The following SV2B variants were observed in gnomAD, a reference collection of about 807,000 sequenced individuals.
The protein encoded by SV2B is solute carrier family 22 member B2.
SV2B carries 41 observed loss-of-function variants against 73.9 expected under a neutral mutation model. The ratio of observed to expected loss-of-function variants is 0.56; its 90% CI spans 0.43 to 0.72. The LOEUF (loss-of-function observed/expected upper bound fraction) is 0.72, where lower values mean the gene tolerates loss of function less well. Ranked by LOEUF, SV2B falls within the 30% of genes least tolerant of loss-of-function variation. The pLI is 0.00. For synonymous variants in SV2B, 314 were observed against 314.2 expected, an observed-to-expected ratio of 1.00 and a Z score of 0.01; for missense variants, 764 against 857.8, an observed-to-expected ratio of 0.89 and a Z score of 1.37.
rs1339743121 is a variant in SV2B, at chr15:91,242,901, G to A, written c.452-8918G>A. 6.6e-6 allele frequency among the ~76,000 whole-genome samples: 1 copy of A among 152,152 alleles called. No individual in the cohort carries two copies. The highest frequency in any genetic ancestry group is 1.5e-5 in the Non-Finnish European group (1 of 68,020). ...TTTTATTTAGCAATCTAGATTTCTGGTTCTTTTTGAAACTGTAGGAATAGG... is the reference window on the plus strand; with the variant it reads ...TTTTATTTAGCAATCTAGATTTCTGATTCTTTTTGAAACTGTAGGAATAGG... On this transcript the variant is annotated intron_variant, in intron 2 of 12. Coordinates refer to ENST00000394232, the MANE Select transcript of SV2B (RefSeq NM_001323032.3). This position sits in a 1 kb window ranked among gnomAD's most constrained non-coding sequence, Gnocchi z 4.9.
chr15:91,235,363 G>A (rs1457122109), intron 2 of SV2B, among the ~76,000 whole-genome samples: 5 of 151,960 alleles, frequency 3.3e-5, no homozygotes, highest in Admixed American at 1.3e-4. Flanking sequence ...TAATACAGTC[G>A]GTGAATTCAT....
In SV2B at chr15:91,253,986, C is replaced by CAA. The variant is rs1184204881; in HGVS notation, c.784+1467_784+1468dup. Among the ~76,000 whole-genome samples the CAA allele has an allele frequency of 5.9e-5, 9 of 152,146 alleles. No individual in the cohort carries two copies. The highest frequency in any genetic ancestry group is 1.7e-4 in the African/African-American group (7 of 41,432). ...ATAAAGAGTTGAAGAGTTTTCCAGC[C>CAA]AATTCTGTCATTCTAGTTCTCCATA... is the stretch of plus-strand genomic sequence containing the variant. On this transcript the variant is annotated intron_variant, in intron 4 of 12. Transcript: ENST00000394232. The surrounding 1 kb of genome is among the most constrained non-coding windows in gnomAD (Gnocchi z 5.0).
In SV2B at chr15:91,169,140, T is replaced by G. The variant is rs533859620; in HGVS notation, c.-391-56733T>G. 2.0e-5 allele frequency among the ~76,000 whole-genome samples: 3 copies of G among 152,354 alleles called. No homozygotes were observed. The South Asian group carries it at 6.2e-4, about 32-fold the overall frequency. On this transcript the variant is annotated intron_variant, in intron 1 of 12. Coordinates refer to ENST00000394232, the MANE Select transcript of SV2B (RefSeq NM_001323032.3). ...GTAGTAATAATCACTGTCATCTCAT[T>G]CTGTTTCTCCTCCTCCTCCTCCTCA...
chr15:91,297,714 C>T lies in SV2B; in HGVS notation c.*5162C>T, dbSNP rs1228394244. On this transcript the variant is annotated 3_prime_UTR_variant, in exon 13 of 13. Coordinates refer to ENST00000394232, the MANE Select transcript of SV2B (RefSeq NM_001323032.3). This position sits in a 1 kb window ranked among gnomAD's most constrained non-coding sequence, Gnocchi z 5.1. ...ACCAGAAGCTCACAAAAACTAGCAG[C>T]CTGTGAAAAATGATCACCATTTTCC... is the stretch of plus-strand genomic sequence containing the variant. 1 of 152,182 alleles carries T rather than the reference C, an allele frequency of 6.6e-6. No individual in the cohort carries two copies. 9.4% of individuals were successfully genotyped at this position (152,182 alleles called of 1,614,324 possible). A position where few individuals can be genotyped will look rare whatever the true frequency, so the allele number is the denominator to read the frequency against.
At position 91,258,963 on chromosome 15, in the gene SV2B, G is replaced by A. The variant is rs182715278; in HGVS notation, c.918+409G>A. Among the ~76,000 whole-genome samples the A allele has an allele frequency of 4.0e-5, 6 of 151,638 alleles. No individual in the cohort carries two copies. Among genetic ancestry groups the A allele is most frequent in the Admixed American group, 2.0e-4 (3 of 15,236 alleles). On this transcript the variant is annotated intron_variant, in intron 5 of 12. Transcript: ENST00000394232. The surrounding 1 kb of genome is among the most constrained non-coding windows in gnomAD (Gnocchi z 4.7). The stretch of plus-strand genomic sequence containing the variant: ...AAAAATTAGTTGAGCGATTTGGTGC[G>A]TGCATGCCTGTGGTCCCATCTACTT...
rs113830091 is a variant in SV2B at position 91,268,628 on chromosome 15, C to T, written c.1373+23C>T. The T allele has an allele frequency of 5.7e-4, 913 of 1,601,348 alleles. 10 individuals are homozygous for T. In the African/African-American group the frequency reaches 9.5e-3, roughly 17 times the overall value. On this transcript the variant is annotated intron_variant, in intron 9 of 12. Transcript: ENST00000394232. This position sits in a 1 kb window ranked among gnomAD's most constrained non-coding sequence, Gnocchi z 4.4. ...TAAGTAAGTGAGTGATCACGGGCTT[C>T]CCTCACATCAGGGTGACAGTCGTGG... is the stretch of plus-strand genomic sequence containing the variant.
At chr15:91,257,265 C>T (rs2047731000) in intron 4 of SV2B, among the ~76,000 whole-genome samples, 1 of 152,178 alleles carries the variant, frequency 6.6e-6, no homozygotes, top group South Asian at 2.1e-4. Context: ...GGAGCGTTCA[C>T]ACATGACAAA....
chr15:91,102,724 G>T (rs2041768104), intron 1 of SV2B, among the ~76,000 whole-genome samples: 1 of 152,240 alleles, frequency 6.6e-6, no homozygotes, highest in Non-Finnish European at 1.5e-5. Context: ...GGACTGGGGA[G>T]TGCTGCCAGA....
Position 91,180,075 on chromosome 15 carries a change from T to C in SV2B, c.-391-45798T>C, listed in dbSNP as rs538371677. 4.6e-3 allele frequency among the ~76,000 whole-genome samples: 694 copies of C among 152,272 alleles called. 5 individuals carry two copies. The highest frequency in any genetic ancestry group is 0.016 in the African/African-American group (656 of 41,564). ...TTAGTGCTTCCTTCAGGAGCTCTTT[T>C]AGGGCAGGCCTGGTGGTGACAAAAT... On this transcript the variant is annotated intron_variant, in intron 1 of 12. Coordinates refer to ENST00000394232, the MANE Select transcript of SV2B (RefSeq NM_001323032.3).
intron 1 of SV2B, among the ~76,000 whole-genome samples, chr15:91,217,015 A>G (rs554789228): frequency 6.6e-6 from 1 of 151,428 alleles, no homozygotes; most frequent in South Asian, 2.1e-4. Context: ...AGCATCCTGA[A>G]TAGCTGGGAT....
chr15:91,212,682 G>A (rs911248207), intron 1 of SV2B, among the ~76,000 whole-genome samples: 1 of 152,036 alleles, frequency 6.6e-6, no homozygotes, highest in Non-Finnish European at 1.5e-5. Flanking sequence ...GGCTGGCCAC[G>A]GTGGCTCACT....
intron 1 of SV2B, among the ~76,000 whole-genome samples, chr15:91,144,642 C>T (rs1596472559): frequency 6.6e-6 from 1 of 152,202 alleles, no homozygotes; most frequent in African/African-American, 2.4e-5. Flanking sequence ...GTGGCCAGCT[C>T]AGAGGCATTG....
chr15:91,191,421 C>T (rs753267773), intron 1 of SV2B, among the ~76,000 whole-genome samples: 1 of 151,994 alleles, frequency 6.6e-6, no homozygotes, highest in African/African-American at 2.4e-5. Flanking sequence ...ATTAATCCCC[C>T]CCACCTTCAT....
In SV2B at chr15:91,284,237, G is replaced by C; in HGVS notation, c.1708+16G>C. The C allele has an allele frequency of 6.2e-7, 1 of 1,613,782 alleles. No individual in the cohort carries two copies. Among genetic ancestry groups the C allele is most frequent in the Non-Finnish European group, 8.5e-7 (1 of 1,179,830 alleles). ...AAGATGATTGGTGAGTTGCCAGCAG[G>C]GTCATTCCTGGGTTCCAACGCGCTG... On this transcript the variant is annotated intron_variant, in intron 11 of 12. Coordinates refer to ENST00000394232, the MANE Select transcript of SV2B (RefSeq NM_001323032.3). This position sits in a 1 kb window ranked among gnomAD's most constrained non-coding sequence, Gnocchi z 4.5.
At position 91,223,393 on chromosome 15, in the gene SV2B, T is replaced by C. The variant is rs932100144; in HGVS notation, c.-391-2480T>C. On this transcript the variant is annotated intron_variant, in intron 1 of 12. Coordinates refer to ENST00000394232, the MANE Select transcript of SV2B (RefSeq NM_001323032.3). This position sits in a 1 kb window ranked among gnomAD's most constrained non-coding sequence, Gnocchi z 4.6. The stretch of plus-strand genomic sequence containing the variant: ...GGACAGTGATTCCCCTTTACTCCAC[T>C]GCACTTGACATTCACAGCAGGTCTT... Among the ~76,000 whole-genome samples the C allele has an allele frequency of 5.3e-5, 8 of 152,238 alleles. No homozygotes were observed. The highest frequency in any genetic ancestry group is 5.2e-4 in the Admixed American group (8 of 15,286).
chr15:91,226,046 T>G lies in SV2B; in HGVS notation c.-218T>G. ...AAACTTTCCAGACTTCCAACAGACA[T>G]CGAGTGCAAAAGGATATTTAGGTTG... On this transcript the variant is annotated 5_prime_UTR_variant, in exon 2 of 13. Coordinates refer to ENST00000394232, the MANE Select transcript of SV2B (RefSeq NM_001323032.3). The G allele has an allele frequency of 1.8e-6, 1 of 558,222 alleles. No homozygotes were observed. The highest frequency in any genetic ancestry group is 3.1e-5 in the East Asian group (1 of 32,232). The allele number at this position is 558,222 out of a possible 1,614,324, so 34.6% of individuals were successfully genotyped here. A position where few individuals can be genotyped will look rare whatever the true frequency, so the allele number is the denominator to read the frequency against.
At chr15:91,243,238 G>A (rs910555472) in intron 2 of SV2B, among the ~76,000 whole-genome samples, 1 of 152,152 alleles carries the variant, frequency 6.6e-6, no homozygotes, top group Non-Finnish European at 1.5e-5. Context: ...CAGTGCCCAG[G>A]AGAGCTATCA....
intron 9 of SV2B, among the ~76,000 whole-genome samples, chr15:91,276,583 AT>A (rs2048496301): frequency 6.6e-6 from 1 of 151,698 alleles, no homozygotes; most frequent in South Asian, 2.1e-4. Flanking sequence ...TTTTGCCATG[AT>A]GAGCCTAATA....
intron 5 of SV2B, among the ~76,000 whole-genome samples, chr15:91,259,700 C>T (rs981016639): frequency 3.9e-5 from 6 of 152,108 alleles, no homozygotes; most frequent in South Asian, 2.1e-4. Context: ...GCAATTTTGA[C>T]CATTCCTTGG....
Sources: allele counts gnomAD v4.1 joint callset (sites outside exome capture counted in the v4.1 genomes callset), GRCh38; gene constraint gnomAD v4.1.1; non-coding constraint Gnocchi (gnomAD v3.1); transcripts MANE v1.5; gene names NCBI Gene and HGNC (gene_info 2026-07-23, HGNC 2026-07-21).